Variants in TBX5 observed in about 807,000 individuals in gnomAD.
TBX5 encodes T-box transcription factor TBX5.
A neutral mutation model predicts 51.1 loss-of-function variants in TBX5; 8 were observed. That is an observed-to-expected ratio of 0.16 (90% CI 0.09 to 0.28). TBX5 has a LOEUF of 0.28. Among genes scored for constraint, TBX5 ranks in the 10% least tolerant of loss-of-function variants. The pLI, the probability that TBX5 is intolerant of heterozygous loss-of-function variation, is 1.00. For synonymous variants in TBX5, 302 were observed against 266.4 expected, an observed-to-expected ratio of 1.13 and a Z score of -1.30; for missense variants, 589 against 671.7, an observed-to-expected ratio of 0.88 and a Z score of 1.36.
At position 114,366,379 on chromosome 12, in the gene TBX5, G is replaced by A. The variant is rs370805715; in HGVS notation, c.768C>T (p.Pro256=). The A allele has an allele frequency of 1.4e-5, 23 of 1,614,102 alleles. No homozygotes were observed. Among genetic ancestry groups the A allele is most frequent in the Middle Eastern group, 1.7e-4 (1 of 6,044 alleles). Reference sequence around the variant, plus strand: ...GCCTCACGGTGCTCCTGGGGACCACGGGATATTCTTTACTGAAAGAGAAAA... The same window carrying A: ...GCCTCACGGTGCTCCTGGGGACCACAGGATATTCTTTACTGAAAGAGAAAA... ...RMSRMQSKEY[P]VVPRSTVRQK... The change falls in exon 8 of 9, where the codon CCC becomes CCT. Residue 256 remains proline (P), a synonymous_variant. Transcript: ENST00000405440.
intron 8 of TBX5, among the ~76,000 whole-genome samples, chr12:114,358,251 A>T (rs921345614): frequency 6.6e-6 from 1 of 152,208 alleles, no homozygotes; most frequent in Non-Finnish European, 1.5e-5. Context: ...GGTGCTGGAG[A>T]TAGAGTGGTG....
chr12:114,401,802 T>A, intron 3 of TBX5, 24 bp downstream of exon 3: 1 of 1,611,650 alleles, frequency 6.2e-7, no homozygotes, highest in East Asian at 2.2e-5. Context: ...CTCGTCCCTC[T>A]CTCTACACAA....
At chr12:114,406,967 A>C (rs997450262), upstream of TBX5, 2 of 774,912 alleles carry the variant, frequency 2.6e-6, no homozygotes, top group Non-Finnish European at 3.1e-6. Context: ...AGTAAATGTC[A>C]GGAGTCCTGT....
Position 114,399,545 on chromosome 12 carries a change from G to T in TBX5, c.330C>A (p.Asp110Glu), listed in dbSNP as rs1411518530. Residue 110 changes from aspartate (D) to glutamate (E), a missense_variant, in exon 4 of 9, where the codon GAC becomes GAA. Transcript: ENST00000405440. ...TATCTGCGAATTTGTATCTGTGATC[G>T]TCGGCAGGTACAATGTCCATGAGAA... The part of the protein sequence containing the change: ...YILLMDIVPA[D>E]DHRYKFADNK... The T allele has an allele frequency of 1.2e-6, 2 of 1,614,070 alleles. No homozygotes were observed. The highest frequency in any genetic ancestry group is 2.2e-5 in the East Asian group (1 of 44,880).
chr12:114,370,238 GA>G (rs1213113170), intron 7 of TBX5, among the ~76,000 whole-genome samples: 2 of 39,832 alleles, frequency 5.0e-5, no homozygotes, highest in Non-Finnish European at 1.1e-4. Context: ...TCTCAGAAAA[GA>G]AAAGAAAAGA....
intron 5 of TBX5, among the ~76,000 whole-genome samples, chr12:114,395,189 C>A (rs1205231610): frequency 1.3e-5 from 2 of 152,302 alleles, no homozygotes; most frequent in South Asian, 4.1e-4. Flanking sequence ...CTGCATAGGG[C>A]ACTTCCCACC....
At chr12:114,403,084 G>A (rs985734406) in intron 2 of TBX5, among the ~76,000 whole-genome samples, 6 of 152,248 alleles carry the variant, frequency 3.9e-5, no homozygotes, top group Non-Finnish European at 7.3e-5. Context: ...GGTTTTGGGC[G>A]CAGAGCGCAA....
At chr12:114,395,280 G>T (rs973991210) in intron 5 of TBX5, among the ~76,000 whole-genome samples, 5 of 152,026 alleles carry the variant, frequency 3.3e-5, no homozygotes, top group Admixed American at 1.3e-4. Flanking sequence ...ATTGACAGGT[G>T]GTGTAGGGGC....
chr12:114,370,661 C>CTCTA (rs909573439), intron 7 of TBX5, among the ~76,000 whole-genome samples: 5 of 134,086 alleles, frequency 3.7e-5, no homozygotes, highest in African/African-American at 1.0e-4. Flanking sequence ...CTCTCTCTCT[C>CTCTA]TCTATCTATC....
intron 3 of TBX5, among the ~76,000 whole-genome samples, chr12:114,399,929 T>C (rs1453774250): frequency 3.3e-5 from 5 of 152,190 alleles, no homozygotes; most frequent in African/African-American, 1.2e-4. Flanking sequence ...GGGACCTCCA[T>C]TTCAACTCTT....
Position 114,385,500 on chromosome 12 carries a change from A to G in TBX5, c.731T>C (p.Leu244Pro), listed in dbSNP as rs1021003518. 8.7e-6 allele frequency: 14 copies of G among 1,614,192 alleles called. No homozygotes were observed. Among genetic ancestry groups the G allele is most frequent in the Non-Finnish European group, 1.2e-5 (14 of 1,180,020 alleles). The change falls in exon 7 of 9, where the codon CTG becomes CCG. Residue 244 changes from leucine (L) to proline (P), a missense_variant. By Grantham distance (98) the Leu-to-Pro change is moderately conservative. Coordinates refer to ENST00000405440, the MANE Select transcript of TBX5 (RefSeq NM_181486.4). ...KGFRGSDDME[L>P]HRMSRMQSKE... ...CCTTTGCATTCTTGACATTCTGTGC[A>G]GCTCCATGTCATCACTGCCCCGAAA...
intron 1 of TBX5, among the ~76,000 whole-genome samples, chr12:114,404,842 G>C (rs1872098955): frequency 6.6e-6 from 1 of 152,186 alleles, no homozygotes; most frequent in African/African-American, 2.4e-5. Context: ...GGATTGGCGA[G>C]GACAAAATCA....
rs372595886 is a variant in TBX5 at position 114,406,065 on chromosome 12, CCT to C, written c.-478_-477del. Reference sequence around the variant, plus strand: ...GAGTCAGTCTCTCTCACTCTCTCTCCCTCTCTCTCTCTCTCTGAAATACAAGC... The same window carrying C: ...GAGTCAGTCTCTCTCACTCTCTCTCCCTCTCTCTCTCTCTGAAATACAAGC... On this transcript the variant is annotated 5_prime_UTR_variant, in exon 1 of 9. Coordinates refer to ENST00000405440, the MANE Select transcript of TBX5 (RefSeq NM_181486.4). The C allele has an allele frequency of 0.027, 23,156 of 865,822 alleles. No homozygotes were observed. The highest frequency in any genetic ancestry group is 0.029 in the Non-Finnish European group (21,188 of 722,760). 53.6% of individuals were successfully genotyped at this position (865,822 alleles called of 1,614,324 possible).
intron 6 of TBX5, among the ~76,000 whole-genome samples, chr12:114,390,918 C>T (rs2136405105): frequency 6.6e-6 from 1 of 152,288 alleles, no homozygotes; most frequent in Non-Finnish European, 1.5e-5. Context: ...CTTTTTTAAG[C>T]TGTCAACCAT....
At chr12:114,396,199 C>A (rs1871413528) in intron 5 of TBX5, among the ~76,000 whole-genome samples, 1 of 151,880 alleles carries the variant, frequency 6.6e-6, no homozygotes, top group Non-Finnish European at 1.5e-5. Context: ...GGCTGCCCGA[C>A]CCCGGGCCGC....
chr12:114,377,712 C>T (rs2136388576), intron 7 of TBX5, among the ~76,000 whole-genome samples: 1 of 152,114 alleles, frequency 6.6e-6, no homozygotes, highest in Admixed American at 6.5e-5. Flanking sequence ...AGCCACCACA[C>T]CTAGCGACTT....
At chr12:114,357,370 C>T (rs1213795699) in intron 8 of TBX5, among the ~76,000 whole-genome samples, 1 of 152,146 alleles carries the variant, frequency 6.6e-6, no homozygotes, top group Non-Finnish European at 1.5e-5. Context: ...CAAGGCTTTG[C>T]ATACAATTTC....
chr12:114,401,967 G>T (rs760807900), intron 2 of TBX5, 47 bp from the exon 3 acceptor site: 1 of 1,544,736 alleles, frequency 6.5e-7, no homozygotes. Context: ...TGGCAGTAGT[G>T]GGCATTCCTT....
chr12:114,387,283 A>G (rs1300910420), intron 6 of TBX5, among the ~76,000 whole-genome samples: 2 of 152,214 alleles, frequency 1.3e-5, no homozygotes, highest in Non-Finnish European at 2.9e-5. Flanking sequence ...GAAGAGAGGA[A>G]TTCTTATCTA....
Sources: allele counts gnomAD v4.1 joint callset (sites outside exome capture counted in the v4.1 genomes callset), GRCh38; gene constraint gnomAD v4.1.1; transcripts MANE v1.5; gene names NCBI Gene and HGNC (gene_info 2026-07-23, HGNC 2026-07-21).